YAP1: variants seen among roughly 807,000 people sequenced by gnomAD.
The protein encoded by YAP1 is transcriptional coactivator YAP1.
In YAP1, 5 loss-of-function variants were observed where a neutral mutation model predicts 56.9. That is an observed-to-expected ratio of 0.09 (90% CI 0.05 to 0.18). The LOEUF is 0.18. YAP1 is among the 10% of genes least tolerant of loss of function. The pLI is 1.00. For synonymous variants in YAP1, 265 were observed against 248.1 expected (o/e 1.07, Z -0.64); for missense variants, 539 against 651.8 (o/e 0.83, Z 1.88).
intron 2 of YAP1, among the ~76,000 whole-genome samples, chr11:102,115,761 A>C (rs1943243955): frequency 6.6e-6 from 1 of 152,222 alleles, no homozygotes; most frequent in African/African-American, 2.4e-5. Context: ...CATCCAAAGT[A>C]AATGATTGAA....
Position 102,230,295 on chromosome 11 carries a change from AC to A in YAP1, c.*356del, listed in dbSNP as rs1207245436. 5.2e-6 allele frequency: 1 copy of A among 190,658 alleles called. No individual in the cohort carries two copies. Among genetic ancestry groups the A allele is most frequent in the Non-Finnish European group, 1.1e-5 (1 of 91,412 alleles). The allele number at this position is 190,658 out of a possible 1,614,324, so 11.8% of individuals were successfully genotyped here. ...CCAATCATTTTAACTAAATACTCAGACTTAGAAGTCAGATGCTTCATGTCAC... is the reference window on the plus strand; with the variant it reads ...CCAATCATTTTAACTAAATACTCAGATTAGAAGTCAGATGCTTCATGTCAC... On this transcript the variant is annotated 3_prime_UTR_variant, in exon 9 of 9. Coordinates refer to ENST00000282441, the MANE Select transcript of YAP1 (RefSeq NM_001130145.3).
At chr11:102,126,390 T>C (rs1944037048) in intron 2 of YAP1, among the ~76,000 whole-genome samples, 1 of 152,188 alleles carries the variant, frequency 6.6e-6, no homozygotes, top group East Asian at 1.9e-4. Flanking sequence ...ACAAACCCAG[T>C]GGGAGGTAAT....
At chr11:102,122,895 CAAAAAAAAAA>C (rs56934997) in intron 2 of YAP1, among the ~76,000 whole-genome samples, 6 of 79,448 alleles carry the variant, frequency 7.6e-5, no homozygotes, top group Non-Finnish European at 1.4e-4. Context: ...AGACTTCTCT[CAAAAAAAAAA>C]AAAAAAAAAA....
rs558260128 is a variant in YAP1, at chr11:102,110,650, C to G, written c.-199C>G. On this transcript the variant is annotated 5_prime_UTR_variant, in exon 1 of 9. Transcript: ENST00000282441. ...GGCGCAGCCGCCAGACCAGTGGAGC[C>G]GGGGCGCAGGGCGGGGGCGGAGGCG... 1 of 306,952 alleles carries G rather than the reference C, an allele frequency of 3.3e-6. No homozygotes were observed. The highest frequency in any genetic ancestry group is 1.4e-4 in the South Asian group (1 of 6,912). 19.0% of individuals were successfully genotyped at this position (306,952 alleles called of 1,614,324 possible).
chr11:102,122,895 C>CAAAAA (rs56934997), intron 2 of YAP1, among the ~76,000 whole-genome samples: 14 of 79,458 alleles, frequency 1.8e-4, no homozygotes, highest in African/African-American at 2.3e-4. Context: ...AGACTTCTCT[C>CAAAAA]AAAAAAAAAA....
At position 102,183,710 on chromosome 11, in the gene YAP1, G is replaced by T. The variant is rs1042899635; in HGVS notation, c.689-2308G>T. Among the ~76,000 whole-genome samples the T allele has an allele frequency of 4.1e-5, 6 of 145,280 alleles. No individual in the cohort carries two copies. In the East Asian group the frequency reaches 1.2e-3, roughly 28 times the overall value. ...GGGGAATAATGCTGTTTCTGTGTGTGTGTGTGTGTGTGTGTGTGTGTGTGT... is the reference window on the plus strand; with the variant it reads ...GGGGAATAATGCTGTTTCTGTGTGTTTGTGTGTGTGTGTGTGTGTGTGTGT... On this transcript the variant is annotated intron_variant, in intron 3 of 8. Transcript: ENST00000282441.
intron 6 of YAP1, among the ~76,000 whole-genome samples, chr11:102,217,803 C>T (rs1949732955): frequency 6.6e-6 from 1 of 152,094 alleles, no homozygotes; most frequent in South Asian, 2.1e-4. Context: ...GATTCTCCTG[C>T]CCCAGCCTCC....
intron 7 of YAP1, 107 bp downstream of exon 7, chr11:102,223,859 AC>A (rs1467951209): frequency 1.6e-5 from 22 of 1,397,412 alleles, no homozygotes; most frequent in Non-Finnish European, 2.0e-5. Context: ...TGGGCCAAAA[AC>A]CATAGCTGTA....
chr11:102,194,588 A>G (rs1948476907), intron 4 of YAP1, among the ~76,000 whole-genome samples: 1 of 152,264 alleles, frequency 6.6e-6, no homozygotes, highest in African/African-American at 2.4e-5. Context: ...TAAATAAATC[A>G]TTACAAATGT....
Position 102,114,198 on chromosome 11 carries a change from C to T in YAP1, c.376C>T (p.His126Tyr). ...CCTGACTCCACAGCATGTTCGAGCT[C>T]ATTCCTCTCCAGCTTCTCTGCAGTT... ...GALTPQHVRA[H>Y]SSPASLQLGA... is the part of the protein sequence containing the mutation. The change falls in exon 2 of 9, where the codon CAT (histidine) becomes TAT (tyrosine). Residue 126 changes from histidine to tyrosine, a missense_variant. His to Tyr is a moderately conservative substitution (Grantham distance 83). Around this residue, in one of 4 missense-constraint regions of YAP1, gnomAD observed 414 missense variants for 512.4 expected, o/e 0.81. Coordinates refer to ENST00000282441, the MANE Select transcript of YAP1 (RefSeq NM_001130145.3). 1 of 1,614,012 alleles carries T rather than the reference C, an allele frequency of 6.2e-7. No homozygotes were observed. The highest frequency in any genetic ancestry group is 8.5e-7 in the Non-Finnish European group (1 of 1,179,882).
At chr11:102,186,187 A>G (rs1239826802) in intron 4 of YAP1, 56 bp downstream of exon 4, 12 of 1,569,396 alleles carry the variant, frequency 7.6e-6, no homozygotes, top group African/African-American at 2.7e-5. Flanking sequence ...TTTTTTTTGT[A>G]AATATACTTC....
At position 102,114,152 on chromosome 11, in the gene YAP1, T is replaced by C. The variant is rs1404093804; in HGVS notation, c.330T>C (p.Thr110=). Residue 110 remains threonine (T), a synonymous_variant, in exon 2 of 9, where the codon ACT becomes ACC. Transcript: ENST00000282441. ...TTAATATTCCCTAATAGGCCAGTAC[T>C]GATGCAGGCACTGCAGGAGCCCTGA... The part of the protein sequence containing the change: ...EPKSHSRQAS[T]DAGTAGALTP... 1.2e-6 allele frequency: 2 copies of C among 1,613,842 alleles called. No homozygotes were observed. The highest frequency in any genetic ancestry group is 1.7e-6 in the Non-Finnish European group (2 of 1,179,728).
chr11:102,143,072 C>G (rs1028890484), intron 2 of YAP1, among the ~76,000 whole-genome samples: 13 of 152,172 alleles, frequency 8.5e-5, no homozygotes, highest in African/African-American at 3.1e-4. Flanking sequence ...AGGTATGTGT[C>G]ACTCCAAAGC....
intron 3 of YAP1, among the ~76,000 whole-genome samples, chr11:102,163,860 A>T (rs765931640): frequency 6.6e-6 from 1 of 152,128 alleles, no homozygotes; most frequent in Non-Finnish European, 1.5e-5. Context: ...TGGGTTGAAC[A>T]TTTGAGTTCT....
rs538565593 is a variant in YAP1, at chr11:102,149,974, G to A, written c.573-12482G>A. 2.3e-5 allele frequency among the ~76,000 whole-genome samples: 3 copies of A among 127,860 alleles called. No homozygotes were observed. In the East Asian group the frequency reaches 6.7e-4, roughly 28 times the overall value. 83.9% of individuals were successfully genotyped at this position (127,860 alleles called of 152,430 possible). On this transcript the variant is annotated intron_variant, in intron 2 of 8. Transcript: ENST00000282441. ...TGCTAAAAAAGAGATTTTGAGTAGT[G>A]TGCTTTTTTTTTTTTTTTTTTTTTT...
chr11:102,134,282 A>G (rs1944540558), intron 2 of YAP1, among the ~76,000 whole-genome samples: 1 of 152,074 alleles, frequency 6.6e-6, no homozygotes, highest in African/African-American at 2.4e-5. Context: ...CTAGATTAGT[A>G]CCTTATTATC....
chr11:102,195,984 A>G (rs562921499), intron 4 of YAP1, among the ~76,000 whole-genome samples: 111 of 152,308 alleles, frequency 7.3e-4, no homozygotes, highest in African/African-American at 2.5e-3. Context: ...CAAAACCACA[A>G]TGAGATAACA....
At position 102,229,733 on chromosome 11, in the gene YAP1, A is replaced by G. The variant is rs779853978; in HGVS notation, c.1308A>G (p.Ser436=). 6.2e-6 allele frequency: 10 copies of G among 1,614,132 alleles called. 1 individual carries two copies. In the South Asian group the frequency reaches 1.1e-4, roughly 18 times the overall value. ...CTATCAACCAAAGCACCCTGCCCTC[A>G]CAGCAGAACCGTTTCCCAGACTACC... The part of the protein sequence containing the change: ...GDTINQSTLP[S]QQNRFPDYLE... Residue 436 remains serine, a synonymous_variant, in exon 9 of 9, where the codon TCA becomes TCG. Coordinates refer to ENST00000282441, the MANE Select transcript of YAP1 (RefSeq NM_001130145.3).
chr11:102,216,213 T>G (rs1365190685), intron 6 of YAP1, among the ~76,000 whole-genome samples: 3 of 152,178 alleles, frequency 2.0e-5, no homozygotes, highest in African/African-American at 7.2e-5. Flanking sequence ...CGTGAGTAAG[T>G]TTTATAATTC....
Sources: gnomAD v4.1 joint callset for allele counts (sites outside exome capture counted in the v4.1 genomes callset) on GRCh38, gnomAD v4.1.1 for gene constraint, gnomAD v4.1.1 regional missense constraint, MANE v1.5 for transcripts, NCBI Gene and HGNC (gene_info 2026-07-23, HGNC 2026-07-21) for gene names.